Variants in TDRD12 observed in about 807,000 individuals in gnomAD.
The protein encoded by TDRD12 is putative ATP-dependent RNA helicase TDRD12.
Under a neutral mutation model 133.5 loss-of-function variants are expected in TDRD12, and 158 were observed. The ratio of observed to expected loss-of-function variants is 1.18; its 90% confidence interval spans 1.04 to 1.35. TDRD12 has a LOEUF of 1.35. Ranked by LOEUF, TDRD12 falls within the 40% of genes most tolerant of loss-of-function variation. The pLI, the probability that TDRD12 is intolerant of heterozygous loss-of-function variation, is 0.00. For synonymous variants in TDRD12, 460 were observed against 477.9 expected (o/e 0.96, Z 0.49); for missense variants, 1,443 against 1,321.3 (o/e 1.09, Z -1.43).
chr19:32,748,626 G>A, intron 5 of TDRD12, 95 bp downstream of exon 5: 1 of 1,267,916 alleles, frequency 7.9e-7, no homozygotes, highest in Non-Finnish European at 1.1e-6. Context: ...TGCCCCTGTT[G>A]GCCAAACGGC....
At chr19:32,794,582 A>C (rs1971168737) in intron 13 of TDRD12, 46 bp from the exon 14 acceptor site, 5 of 685,342 alleles carry the variant, frequency 7.3e-6, no homozygotes, top group Admixed American at 6.4e-5. Flanking sequence ...AGTTTTTGTT[A>C]GTTTTCTCTA....
intron 3 of TDRD12, among the ~76,000 whole-genome samples, chr19:32,739,860 C>T (rs113406422): frequency 8.7e-6 from 1 of 115,566 alleles, no homozygotes; most frequent in East Asian, 3.7e-4. Context: ...CTGGTGTGCT[C>T]TCTGCATCTC....
intron 7 of TDRD12, among the ~76,000 whole-genome samples, chr19:32,756,611 A>G (rs1237068716): frequency 6.6e-6 from 1 of 152,090 alleles, no homozygotes. Flanking sequence ...GATGGTCTCA[A>G]TCTCCTGACC....
chr19:32,726,144 G>C (rs527399628), intron 1 of TDRD12, among the ~76,000 whole-genome samples: 6 of 151,114 alleles, frequency 4.0e-5, no homozygotes, highest in Non-Finnish European at 5.9e-5. Context: ...GCAGTGGTGC[G>C]ATCTCAGCTC....
intron 5 of TDRD12, among the ~76,000 whole-genome samples, chr19:32,749,251 G>A (rs141111116): frequency 6.9e-4 from 105 of 152,252 alleles, no homozygotes; most frequent in Non-Finnish European, 1.0e-3. Flanking sequence ...ATGAGAATGC[G>A]GGTCTGGAGG....
At chr19:32,813,922 T>C in intron 25 of TDRD12, 146 bp downstream of exon 25, 1 of 612,874 alleles carries the variant, frequency 1.6e-6, no homozygotes, top group South Asian at 2.0e-5. Flanking sequence ...TTTTTCATGT[T>C]ATTGGGTCAT....
chr19:32,821,369 AGTGTGTGTGT>A (rs59054756), downstream of TDRD12: 35,104 of 350,876 alleles, frequency 0.1, 1,363 homozygotes, highest in Middle Eastern at 0.12. Flanking sequence ...AGCTCAGCAG[AGTGTGTGTGT>A]GTGTGTGTGT....
intron 4 of TDRD12, among the ~76,000 whole-genome samples, chr19:32,744,519 A>AAC (rs1318156105): frequency 6.6e-6 from 1 of 150,772 alleles, no homozygotes; most frequent in Middle Eastern, 3.2e-3. Flanking sequence ...AAAAAAAAAA[A>AAC]AAAAACAAAA....
chr19:32,798,393 C>G, exon 16 of TDRD12: 1 of 1,535,934 alleles, frequency 6.5e-7, no homozygotes, highest in Non-Finnish European at 8.7e-7. Flanking sequence ...GCCACCTGAT[C>G]CTGGATGAGG....
rs559666821 is a variant in TDRD12 at position 32,722,175 on chromosome 19, A to C, written c.24+2079A>C. ...TCCACCAGGCGAGCTCCTCTCCTCC[A>C]GTCAGATGTTGTCTGTCAGTCCTAA... is the stretch of plus-strand genomic sequence containing the variant. On this transcript the variant is annotated intron_variant, in intron 1 of 27. Transcript: ENST00000444215. Among the ~76,000 whole-genome samples, 7 of 152,288 alleles carry C rather than the reference A, an allele frequency of 4.6e-5. No individual in the cohort carries two copies. The South Asian group carries it at 1.2e-3, about 27-fold the overall frequency.
exon 7 of TDRD12, chr19:32,756,147 G>T: frequency 1.2e-5 from 17 of 1,434,460 alleles, no homozygotes; most frequent in Non-Finnish European, 1.6e-5. Flanking sequence ...TCTGGCCAAT[G>T]TTTTTGCAAG....
intron 27 of TDRD12, among the ~76,000 whole-genome samples, chr19:32,819,795 G>A (rs188494632): frequency 4.6e-5 from 7 of 152,314 alleles, no homozygotes; most frequent in South Asian, 2.1e-4. Context: ...AGGACTTGGC[G>A]GTTGGCAGAT....
At chr19:32,732,013 T>G (rs1269036253) in intron 2 of TDRD12, 130 bp downstream of exon 2, 2 of 887,028 alleles carry the variant, frequency 2.3e-6, no homozygotes, top group Admixed American at 3.5e-5. Flanking sequence ...TTGTGTTAGG[T>G]TTTTTTTTGA....
At chr19:32,809,947 G>A (rs1266340713) in intron 22 of TDRD12, 146 bp from the exon 23 acceptor site, 2 of 471,556 alleles carry the variant, frequency 4.2e-6, no homozygotes, top group African/African-American at 2.0e-5. Context: ...TTGCTTTTTT[G>A]GCTAGCTTCC....
At chr19:32,797,888 G>A in exon 15 of TDRD12, 1 of 691,358 alleles carries the variant, frequency 1.4e-6, no homozygotes. Flanking sequence ...GCTTCCAAGG[G>A]GCTGTAAGTA....
At chr19:32,794,438 A>G (rs1349777806) in intron 13 of TDRD12, among the ~76,000 whole-genome samples, 190 bp from the exon 14 acceptor site, 2 of 152,064 alleles carry the variant, frequency 1.3e-5, no homozygotes, top group Admixed American at 6.6e-5. Context: ...TCTTAATAGG[A>G]GAAAAAGCAA....
chr19:32,811,299 T>A (rs1361438443), exon 24 of TDRD12: 1 of 1,535,968 alleles, frequency 6.5e-7, no homozygotes, highest in East Asian at 2.4e-5. Context: ...AGGACGGGGC[T>A]CGTCACAAGG....
intron 13 of TDRD12, among the ~76,000 whole-genome samples, chr19:32,791,966 G>T (rs1243752878): frequency 6.6e-6 from 1 of 151,592 alleles, no homozygotes; most frequent in Admixed American, 6.6e-5. Flanking sequence ...AAAAAGACCA[G>T]GCTGGGTGCA....
chr19:32,800,391 G>A (rs1486025258), intron 17 of TDRD12, 33 bp downstream of exon 17: 5 of 1,411,846 alleles, frequency 3.5e-6, no homozygotes, highest in Non-Finnish European at 4.7e-6. Flanking sequence ...GTGTATGTGT[G>A]TGTGTGTGTG....
Sources: allele counts gnomAD v4.1 joint callset (sites outside exome capture counted in the v4.1 genomes callset), GRCh38; gene constraint gnomAD v4.1.1; transcripts MANE v1.5; gene names NCBI Gene and HGNC (gene_info 2026-07-23, HGNC 2026-07-21).